AP1AR: variants seen among roughly 807,000 people sequenced by gnomAD.
AP1AR encodes AP-1 complex-associated regulatory protein.
In AP1AR, 29 loss-of-function variants were observed where a neutral mutation model predicts 46.3. The observed-to-expected ratio is 0.63, with a 90% CI of 0.47 to 0.85. The LOEUF is 0.85. Ranked by LOEUF, AP1AR falls within the 40% of genes least tolerant of loss-of-function variation. The pLI, the probability that AP1AR is intolerant of heterozygous loss-of-function variation, is 0.00. For missense variants in AP1AR, 357 were observed against 356.3 expected (o/e 1.00, Z -0.02); for synonymous variants, 122 against 122.9 (o/e 0.99, Z 0.05).
intron 1 of AP1AR, among the ~76,000 whole-genome samples, chr4:112,252,948 A>G (rs954912781): frequency 3.9e-5 from 6 of 152,226 alleles, no homozygotes; most frequent in African/African-American, 9.6e-5. Context: ...TAGTAAATAT[A>G]GTAAATTAAT....
chr4:112,265,883 G>A (rs1726684937), intron 8 of AP1AR, 76 bp downstream of exon 8: 1 of 913,546 alleles, frequency 1.1e-6, no homozygotes, highest in Non-Finnish European at 1.6e-6. Flanking sequence ...CTCTGTTTCT[G>A]TAGAAGAACT....
chr4:112,240,464 C>G (rs1484637100), intron 1 of AP1AR, among the ~76,000 whole-genome samples: 1 of 152,214 alleles, frequency 6.6e-6, no homozygotes, highest in African/African-American at 2.4e-5. Flanking sequence ...GTCTGCTGCT[C>G]TCAATAAAAA....
intron 3 of AP1AR, among the ~76,000 whole-genome samples, chr4:112,255,747 A>T (rs1024911044): frequency 6.6e-6 from 1 of 152,258 alleles, no homozygotes; most frequent in African/African-American, 2.4e-5. Context: ...GAAGTGTTAA[A>T]AATGAGAAGG....
At chr4:112,251,269 G>C (rs768229111) in intron 1 of AP1AR, among the ~76,000 whole-genome samples, 23 of 152,198 alleles carry the variant, frequency 1.5e-4, no homozygotes, top group African/African-American at 3.4e-4. Flanking sequence ...GTGAGGACGT[G>C]AGTGTCCTCA....
intron 1 of AP1AR, among the ~76,000 whole-genome samples, chr4:112,249,091 G>A (rs1417017065): frequency 6.6e-6 from 1 of 152,032 alleles, no homozygotes; most frequent in Non-Finnish European, 1.5e-5. Flanking sequence ...TCAGGAGTTC[G>A]AGACCAGCCT....
chr4:112,236,151 A>G (rs1167109284), intron 1 of AP1AR, among the ~76,000 whole-genome samples: 7 of 151,596 alleles, frequency 4.6e-5, no homozygotes, highest in Non-Finnish European at 1.0e-4. Flanking sequence ...TTAAATCTCT[A>G]TATATTATTT....
At chr4:112,234,351 G>C (rs1725152046) in intron 1 of AP1AR, among the ~76,000 whole-genome samples, 1 of 152,174 alleles carries the variant, frequency 6.6e-6, no homozygotes, top group Non-Finnish European at 1.5e-5. Context: ...CAGATTTTGG[G>C]TTTTGGGGTT....
At position 112,232,111 on chromosome 4, in the gene AP1AR, C is replaced by T; in HGVS notation, c.20C>T (p.Thr7Met). The T allele has an allele frequency of 7.5e-7, 1 of 1,333,858 alleles. No individual in the cohort carries two copies. The highest frequency in any genetic ancestry group is 9.7e-7 in the Non-Finnish European group (1 of 1,034,666). 82.6% of individuals were successfully genotyped at this position (1,333,858 alleles called of 1,614,324 possible). The change falls in exon 1 of 10, where the codon ACG becomes ATG. Residue 7 changes from threonine (T) to methionine (M), a missense_variant. Physicochemically the swap from Thr to Met is moderately conservative, Grantham distance 81 (BLOSUM62 -1). This residue lies in a region of AP1AR where 269 missense variants were observed against 223.6 expected (regional missense o/e 1.20). Coordinates refer to ENST00000274000, the MANE Select transcript of AP1AR (RefSeq NM_018569.6). The part of the protein sequence containing the change: MGNCCW[T>M]QCFGLLRKEA... ...CATGCGATGGGGAACTGCTGCTGGACGCAGTGCTTCGGACTGCTTCGCAAG... is the reference window on the plus strand; with the variant it reads ...CATGCGATGGGGAACTGCTGCTGGATGCAGTGCTTCGGACTGCTTCGCAAG...
Position 112,266,812 on chromosome 4 carries a change from T to C in AP1AR, c.643+96T>C, listed in dbSNP as rs933392224. The C allele has an allele frequency of 5.0e-6, 6 of 1,199,914 alleles. No individual in the cohort carries two copies. In the African/African-American group the frequency reaches 7.9e-5, roughly 16 times the overall value. 74.3% of individuals were successfully genotyped at this position (1,199,914 alleles called of 1,614,324 possible). ...GGTCTTTATTTAAATGGAAATAAAT[T>C]CAAGGCCTTGAAAAATCATATAAAC... On this transcript the variant is annotated intron_variant, in intron 9 of 9. Transcript: ENST00000274000.
At chr4:112,255,265 G>A (rs891134821) in intron 3 of AP1AR, among the ~76,000 whole-genome samples, 1 of 124,392 alleles carries the variant, frequency 8.0e-6, no homozygotes, top group African/African-American at 3.5e-5. Flanking sequence ...AGCCAATTCC[G>A]AATTTTTTTA....
At position 112,254,668 on chromosome 4, in the gene AP1AR, A is replaced by C. The variant is rs570888261; in HGVS notation, c.133-79A>C. 6.3e-5 allele frequency: 57 copies of C among 899,730 alleles called. No individual in the cohort carries two copies. The East Asian group carries it at 1.5e-3, about 23-fold the overall frequency. The allele number at this position is 899,730 out of a possible 1,614,324, so 55.7% of individuals were successfully genotyped here. A position where few individuals can be genotyped will look rare whatever the true frequency, so the allele number is the denominator to read the frequency against. The stretch of plus-strand genomic sequence containing the variant: ...TATAAAGGTATATTATTTTTAAGTG[A>C]AAAAAGTAACATAATTTCTTGTGAG... On this transcript the variant is annotated intron_variant, in intron 2 of 9. Transcript: ENST00000274000.
At chr4:112,242,945 A>C (rs923855701) in intron 1 of AP1AR, among the ~76,000 whole-genome samples, 2 of 152,220 alleles carry the variant, frequency 1.3e-5, no homozygotes, top group Non-Finnish European at 2.9e-5. Context: ...GACTGTTAAG[A>C]GGAAAAAGTA....
chr4:112,232,019 T>C lies in AP1AR; in HGVS notation c.-73T>C. 1 of 1,276,600 alleles carries C rather than the reference T, an allele frequency of 7.8e-7. No homozygotes were observed. Among genetic ancestry groups the C allele is most frequent in the Non-Finnish European group, 1.0e-6 (1 of 994,650 alleles). 79.1% of individuals were successfully genotyped at this position (1,276,600 alleles called of 1,614,324 possible). On this transcript the variant is annotated 5_prime_UTR_variant, in exon 1 of 10. An upstream start codon of the reference 5' UTR is lost. Coordinates refer to ENST00000274000, the MANE Select transcript of AP1AR (RefSeq NM_018569.6). ...CCCATTTCGGCTCGTGCCGTGCGGATGCAGCTGCCGGGCCTGGGTTTGGGC... is the reference window on the plus strand; with the variant it reads ...CCCATTTCGGCTCGTGCCGTGCGGACGCAGCTGCCGGGCCTGGGTTTGGGC...
intron 1 of AP1AR, 78 bp from the exon 2 acceptor site, chr4:112,253,130 T>G: frequency 2.8e-6 from 3 of 1,079,756 alleles, no homozygotes; most frequent in East Asian, 2.5e-5. Context: ...CTTGAGGAAA[T>G]AAATGTTTTT....
intron 2 of AP1AR, 84 bp downstream of exon 2, chr4:112,253,340 G>C: frequency 1.0e-6 from 1 of 999,268 alleles, no homozygotes; most frequent in Non-Finnish European, 1.6e-6. Flanking sequence ...GAAAGATCTG[G>C]ACCCAAATTT....
At chr4:112,252,801 T>C (rs531656212) in intron 1 of AP1AR, among the ~76,000 whole-genome samples, 1 of 152,356 alleles carries the variant, frequency 6.6e-6, no homozygotes, top group Non-Finnish European at 1.5e-5. Context: ...AGATACTTAA[T>C]GTTCTGTGTA....
intron 5 of AP1AR, 146 bp from the exon 6 acceptor site, chr4:112,262,842 C>T (rs1726512067): frequency 3.2e-6 from 2 of 619,584 alleles, no homozygotes; most frequent in African/African-American, 1.9e-5. Context: ...TAAACAATTG[C>T]AAACATTTCA....
Position 112,268,705 on chromosome 4 carries a change from A to G in AP1AR, c.*296A>G, listed in dbSNP as rs897257478. The stretch of plus-strand genomic sequence containing the variant: ...TTTCTGTTTACTATGGTAGATTTCC[A>G]CTTTCAATTTTTAAAATTAATTTTA... On this transcript the variant is annotated 3_prime_UTR_variant, in exon 10 of 10. Transcript: ENST00000274000. The G allele has an allele frequency of 1.9e-4, 44 of 229,226 alleles. No homozygotes were observed. The highest frequency in any genetic ancestry group is 9.4e-4 in the African/African-American group (42 of 44,464). The allele number at this position is 229,226 out of a possible 1,614,324, so 14.2% of individuals were successfully genotyped here.
At chr4:112,242,953 G>T (rs2110470827) in intron 1 of AP1AR, among the ~76,000 whole-genome samples, 1 of 152,268 alleles carries the variant, frequency 6.6e-6, no homozygotes, top group South Asian at 2.1e-4. Context: ...AGAGGAAAAA[G>T]TACACTTCTA....
Sources: allele counts gnomAD v4.1 joint callset (sites outside exome capture counted in the v4.1 genomes callset), GRCh38; gene constraint gnomAD v4.1.1; regional missense constraint gnomAD v4.1.1; transcripts MANE v1.5; gene names NCBI Gene and HGNC (gene_info 2026-07-23, HGNC 2026-07-21).